Variants in RTN4 observed in about 807,000 individuals in gnomAD.
RTN4 encodes the protein reticulon 4.
Under a neutral mutation model 90.4 loss-of-function variants are expected in RTN4, and 32 were observed. The observed-to-expected ratio is 0.35, with a 90% CI of 0.27 to 0.48. RTN4 has a LOEUF of 0.48. Among genes scored for constraint, RTN4 ranks in the 20% least tolerant of loss-of-function variants. The pLI is 0.99. For synonymous variants in RTN4, 629 were observed against 552.5 expected, an observed-to-expected ratio of 1.14 and a Z score of -1.94; for missense variants, 1,706 against 1,430.2, an observed-to-expected ratio of 1.19 and a Z score of -3.11.
intron 1 of RTN4, among the ~76,000 whole-genome samples, chr2:55,081,507 T>A (rs541275071): frequency 1.8e-4 from 27 of 152,166 alleles, no homozygotes; most frequent in African/African-American, 6.3e-4. Flanking sequence ...ATACTAAACA[T>A]TTGTGATTAT....
chr2:55,096,807 G>A (rs894429148), intron 1 of RTN4, among the ~76,000 whole-genome samples: 1 of 151,940 alleles, frequency 6.6e-6, no homozygotes, highest in Non-Finnish European at 1.5e-5. Flanking sequence ...TGTTTATTAA[G>A]CTTCTGTCCT....
At chr2:55,009,691 G>T (rs964801633) in intron 3 of RTN4, among the ~76,000 whole-genome samples, 17 of 152,184 alleles carry the variant, frequency 1.1e-4, no homozygotes, top group African/African-American at 4.1e-4. Context: ...CCTTTGCACA[G>T]AATTTCAACT....
intron 2 of RTN4, among the ~76,000 whole-genome samples, chr2:55,060,014 G>A (rs983059735): frequency 1.3e-5 from 2 of 152,076 alleles, no homozygotes; most frequent in African/African-American, 4.8e-5. Flanking sequence ...AAACAAGGGG[G>A]AAACTCTCCT....
intron 3 of RTN4, among the ~76,000 whole-genome samples, chr2:55,010,736 T>C (rs975443565): frequency 2.6e-5 from 4 of 152,176 alleles, no homozygotes; most frequent in Non-Finnish European, 5.9e-5. Context: ...TATGAAGAGA[T>C]AAACAGAAAA....
intron 1 of RTN4, among the ~76,000 whole-genome samples, chr2:55,037,713 T>C (rs1378014202): frequency 6.6e-6 from 1 of 152,166 alleles, no homozygotes; most frequent in Non-Finnish European, 1.5e-5. Context: ...TCCTAAGACG[T>C]CACTTATCCC....
upstream of RTN4, among the ~76,000 whole-genome samples, chr2:55,053,674 G>A (rs373314009): frequency 2.2e-5 from 3 of 139,228 alleles, no homozygotes; most frequent in East Asian, 2.1e-4. Context: ...TGAAAAGAGC[G>A]AAACTCCATC....
intron 2 of RTN4, among the ~76,000 whole-genome samples, chr2:55,071,023 A>G (rs34689220): frequency 0.73 from 109,882 of 150,132 alleles, 41,001 homozygotes; most frequent in East Asian, 0.92. Flanking sequence ...TGATCTTCCC[A>G]CCTCGGCCTC....
intron 2 of RTN4, among the ~76,000 whole-genome samples, chr2:55,070,769 GT>G (rs1445177632): frequency 3.4e-5 from 5 of 146,068 alleles, no homozygotes; most frequent in African/African-American, 1.3e-4. Context: ...TGTTGTTGTT[GT>G]TTGTTTTTTT....
At chr2:55,102,218 C>T (rs568385008) in intron 1 of RTN4, among the ~76,000 whole-genome samples, 1 of 152,228 alleles carries the variant, frequency 6.6e-6, no homozygotes, top group South Asian at 2.1e-4. Flanking sequence ...AAGGAGGGAT[C>T]AAAATGTTCA....
chr2:55,102,641 G>A (rs146435877), intron 1 of RTN4, among the ~76,000 whole-genome samples: 3 of 152,130 alleles, frequency 2.0e-5, no homozygotes, highest in African/African-American at 7.2e-5. Context: ...CCTGCTAATA[G>A]GCCAGTGCAT....
chr2:55,026,713 G>A lies in RTN4; in HGVS notation c.1386C>T (p.Ile462=). The A allele has an allele frequency of 6.2e-7, 1 of 1,613,474 alleles. No individual in the cohort carries two copies. The highest frequency in any genetic ancestry group is 8.5e-7 in the Non-Finnish European group (1 of 1,179,528). ...EGIKDRSGAY[I]TCAPFNPAAT... is the part of the protein sequence containing the mutation. ...CTGCTGGGTTAAAGGGAGCACATGT[G>A]ATATATGCTCCTGAACGATCCTTTA... Residue 462 remains isoleucine, a synonymous_variant, in exon 3 of 9, where the codon ATC becomes ATT. Transcript: ENST00000337526.
chr2:55,072,183 A>G (rs1340675927), intron 2 of RTN4, among the ~76,000 whole-genome samples: 1 of 151,496 alleles, frequency 6.6e-6, no homozygotes, highest in African/African-American at 2.4e-5. Flanking sequence ...GTAAAACTGG[A>G]GTAAACAGAG....
chr2:55,028,276 C>T, intron 1 of RTN4, 56 bp from the exon 2 acceptor site: 1 of 1,511,126 alleles, frequency 6.6e-7, no homozygotes, highest in South Asian at 1.2e-5. Flanking sequence ...TGAAAGGAGA[C>T]TAAAGATAAG....
At chr2:55,107,709 G>T (rs1208038974) in intron 1 of RTN4, among the ~76,000 whole-genome samples, 1 of 152,046 alleles carries the variant, frequency 6.6e-6, no homozygotes, top group Admixed American at 6.5e-5. Flanking sequence ...GCATCCAGAG[G>T]CCCAGTATCT....
chr2:54,979,804 C>A (rs1317505094), intron 5 of RTN4, among the ~76,000 whole-genome samples: 1 of 151,628 alleles, frequency 6.6e-6, no homozygotes, highest in East Asian at 1.9e-4. Flanking sequence ...TAAGTGCTAA[C>A]ATGATGAGGC....
At position 55,025,121 on chromosome 2, in the gene RTN4, G is replaced by C. The variant is rs764683289; in HGVS notation, c.2978C>G (p.Ser993Cys). ...SDTEKEDRSP[S>C]AIFSAELSKT... ...ACTCAGCTCTGCTGAAAATATAGCA[G>C]ATGGTGATCTGTCCTCTTTTTCTGT... The change falls in exon 3 of 9, where the codon TCT (serine) becomes TGT (cysteine). Residue 993 changes from serine (S) to cysteine (C), a missense_variant. Ser to Cys is a moderately radical substitution (Grantham distance 112, BLOSUM62 -1). Coordinates refer to ENST00000337526, the MANE Select transcript of RTN4 (RefSeq NM_020532.5). The C allele has an allele frequency of 8.7e-6, 14 of 1,612,474 alleles. No homozygotes were observed. In the Admixed American group the frequency reaches 1.2e-4, roughly 13 times the overall value.
intron 1 of RTN4, among the ~76,000 whole-genome samples, chr2:55,037,766 T>C (rs1682791510): frequency 6.6e-6 from 1 of 152,152 alleles, no homozygotes; most frequent in Admixed American, 6.5e-5. Context: ...ATCAAATTCA[T>C]AACAGGCATT....
At chr2:55,060,543 C>T (rs1285867265) in intron 2 of RTN4, 1 of 152,194 alleles carries the variant, frequency 6.6e-6, no homozygotes, top group Non-Finnish European at 1.5e-5. Context: ...ATATGCTGGA[C>T]AGTGTATTAA....
chr2:55,062,011 C>A (rs1668304175), intron 2 of RTN4, among the ~76,000 whole-genome samples: 1 of 152,032 alleles, frequency 6.6e-6, no homozygotes, highest in Non-Finnish European at 1.5e-5. Flanking sequence ...TTCGAGAGGA[C>A]ATCAAGAGCA....
Sources: gnomAD v4.1 joint callset for allele counts (sites outside exome capture counted in the v4.1 genomes callset) on GRCh38, gnomAD v4.1.1 for gene constraint, MANE v1.5 for transcripts, NCBI Gene and HGNC (gene_info 2026-07-23, HGNC 2026-07-21) for gene names.